Variants in RGS6 observed in about 807,000 individuals in gnomAD.
The protein encoded by RGS6 is regulator of G-protein signaling 6.
Under a neutral mutation model 78.5 loss-of-function variants are expected in RGS6, and 30 were observed. That is an observed-to-expected ratio of 0.38 (90% CI 0.29 to 0.52). The LOEUF (loss-of-function observed/expected upper bound fraction) is 0.52. RGS6 is among the 20% of genes least tolerant of loss of function. The pLI is 0.85. For missense variants in RGS6, 495 were observed against 609.7 expected (o/e 0.81, Z 1.98); for synonymous variants, 206 against 206.0 (o/e 1.00, Z 0.00).
chr14:72,007,218 A>G (rs1047723803), intron 2 of RGS6, among the ~76,000 whole-genome samples: 1 of 151,826 alleles, frequency 6.6e-6, no homozygotes, highest in Non-Finnish European at 1.5e-5. Context: ...AGGTAAAACT[A>G]TTAAATAAAA....
At chr14:72,412,106 CT>C (rs2093462420) in intron 3 of RGS6, among the ~76,000 whole-genome samples, 1 of 152,310 alleles carries the variant, frequency 6.6e-6, no homozygotes, top group South Asian at 2.1e-4. Context: ...AGGATTCCGT[CT>C]TTTTCTATTG....
chr14:72,281,935 C>T (rs1240926287), intron 2 of RGS6, among the ~76,000 whole-genome samples: 1 of 152,154 alleles, frequency 6.6e-6, no homozygotes, highest in Non-Finnish European at 1.5e-5. Flanking sequence ...GACACAAAGT[C>T]ATCGGAAGAT....
intron 3 of RGS6, among the ~76,000 whole-genome samples, chr14:72,385,074 T>C (rs2087512505): frequency 6.6e-6 from 1 of 152,150 alleles, no homozygotes; most frequent in African/African-American, 2.4e-5. Flanking sequence ...TAACGGTGTC[T>C]TTAGCACCTG....
intron 2 of RGS6, among the ~76,000 whole-genome samples, chr14:72,193,947 A>G (rs1450942582): frequency 6.6e-6 from 1 of 152,158 alleles, no homozygotes; most frequent in Non-Finnish European, 1.5e-5. Context: ...AGGACACTGG[A>G]GAAATGTGTG....
chr14:72,062,242 G>A (rs1339527311), intron 2 of RGS6, among the ~76,000 whole-genome samples: 2 of 152,222 alleles, frequency 1.3e-5, no homozygotes, highest in Non-Finnish European at 2.9e-5. Flanking sequence ...AGACCCTGAG[G>A]CAGGGATGTA....
intron 2 of RGS6, among the ~76,000 whole-genome samples, chr14:72,178,130 T>C (rs535717599): frequency 6.6e-6 from 1 of 152,366 alleles, no homozygotes. Context: ...GGACATAGGT[T>C]GGTGGACCAT....
At chr14:72,337,763 T>C (rs1567792121) in intron 2 of RGS6, among the ~76,000 whole-genome samples, 1 of 152,310 alleles carries the variant, frequency 6.6e-6, no homozygotes, top group Middle Eastern at 3.4e-3. Flanking sequence ...ACAGAAGCAA[T>C]TGGCAAATGA....
chr14:72,021,845 G>A (rs1269118122), intron 2 of RGS6, among the ~76,000 whole-genome samples: 2 of 151,860 alleles, frequency 1.3e-5, no homozygotes, highest in Non-Finnish European at 2.9e-5. Flanking sequence ...TCATGTCATG[G>A]GGAGTTGTTG....
chr14:72,239,578 C>A (rs888473210), intron 2 of RGS6, among the ~76,000 whole-genome samples: 1 of 152,160 alleles, frequency 6.6e-6, no homozygotes, highest in African/African-American at 2.4e-5. Flanking sequence ...TGTCTAACTA[C>A]CTGTAACACA....
intron 3 of RGS6, among the ~76,000 whole-genome samples, chr14:72,436,492 C>T (rs967207248): frequency 3.3e-5 from 5 of 152,206 alleles, no homozygotes; most frequent in Admixed American, 1.3e-4. Context: ...TGCCTATACA[C>T]TGAGCCATAC....
chr14:72,166,935 A>T (rs973726820), intron 2 of RGS6, among the ~76,000 whole-genome samples: 1 of 152,220 alleles, frequency 6.6e-6, no homozygotes, highest in African/African-American at 2.4e-5. Context: ...TTGTTCACCA[A>T]ATCATTTCAT....
downstream of RGS6, among the ~76,000 whole-genome samples, chr14:72,567,959 T>C (rs1330611682): frequency 1.3e-5 from 2 of 152,176 alleles, no homozygotes; most frequent in Non-Finnish European, 2.9e-5. Context: ...CCAGACCCCA[T>C]ACACAGAGGA....
At chr14:72,304,778 G>A (rs1242261292) in intron 2 of RGS6, among the ~76,000 whole-genome samples, 2 of 152,106 alleles carry the variant, frequency 1.3e-5, no homozygotes, top group East Asian at 3.9e-4. Flanking sequence ...TACTCGGGAG[G>A]TTGAGACAGG....
chr14:72,586,752 G>T, the RGS6 span, among the ~76,000 whole-genome samples: 7 of 152,066 alleles, frequency 4.6e-5, no homozygotes, highest in Non-Finnish European at 8.8e-5. Flanking sequence ...CTGATGCCTT[G>T]TCTGCCTTAC....
At chr14:72,021,293 G>A (rs1445066118) in intron 2 of RGS6, among the ~76,000 whole-genome samples, 1 of 152,020 alleles carries the variant, frequency 6.6e-6, no homozygotes, top group Non-Finnish European at 1.5e-5. Flanking sequence ...TCCTGTGCCA[G>A]CCTCCTCAAT....
intron 17 of RGS6, chr14:72,552,437 A>T (rs548252522): frequency 6.6e-6 from 1 of 152,284 alleles, no homozygotes; most frequent in Non-Finnish European, 1.5e-5. Context: ...TGTTGTGGGG[A>T]TCTGGCATTT....
intron 2 of RGS6, among the ~76,000 whole-genome samples, chr14:72,320,848 A>G (rs931218508): frequency 1.3e-5 from 2 of 150,614 alleles, no homozygotes; most frequent in African/African-American, 4.8e-5. Context: ...TAAATCAAGT[A>G]TATTTAAATA....
intron 3 of RGS6, among the ~76,000 whole-genome samples, chr14:72,360,364 AC>A (rs2081204625): frequency 6.7e-6 from 1 of 150,090 alleles, no homozygotes; most frequent in Admixed American, 6.7e-5. Flanking sequence ...TACTAAAAAT[AC>A]AAAAAAATTA....
chr14:72,344,870 T>C (rs1003351802), intron 2 of RGS6, among the ~76,000 whole-genome samples: 3 of 152,152 alleles, frequency 2.0e-5, no homozygotes, highest in Non-Finnish European at 2.9e-5. Flanking sequence ...GGGAAACAGA[T>C]CAGAGAGGCT....
Sources: gnomAD v4.1 joint callset for allele counts (sites outside exome capture counted in the v4.1 genomes callset) on GRCh38, gnomAD v4.1.1 for gene constraint, MANE v1.5 for transcripts, NCBI Gene and HGNC (gene_info 2026-07-23, HGNC 2026-07-21) for gene names.